RAPGEF2: variants seen among roughly 807,000 people sequenced by gnomAD.
The protein encoded by RAPGEF2 is Rap guanine nucleotide exchange factor 2.
In RAPGEF2, 54 loss-of-function variants were observed where a neutral mutation model predicts 186.7. The ratio of observed to expected loss-of-function variants is 0.29; its 90% CI spans 0.23 to 0.36. The LOEUF (loss-of-function observed/expected upper bound fraction) is 0.36, where lower values mean the gene tolerates loss of function less well. Ranked by LOEUF, RAPGEF2 falls within the 10% of genes least tolerant of loss-of-function variation. RAPGEF2 has a pLI of 1.00. For missense variants in RAPGEF2, 1,532 were observed against 2,045.0 expected (o/e 0.75, Z 4.84); for synonymous variants, 712 against 705.9 (o/e 1.01, Z -0.14).
At chr4:159,264,621 T>C (rs1757228252) in intron 7 of RAPGEF2, among the ~76,000 whole-genome samples, 1 of 152,162 alleles carries the variant, frequency 6.6e-6, no homozygotes, top group Admixed American at 6.5e-5. Context: ...ATTTTACACA[T>C]TATTAAGTGT....
chr4:159,240,807 G>GTT (rs373635263), intron 5 of RAPGEF2, among the ~76,000 whole-genome samples: 92 of 132,958 alleles, frequency 6.9e-4, no homozygotes, highest in South Asian at 1.7e-3. Flanking sequence ...TTCCATCAGG[G>GTT]TTTTTTTTTT....
At chr4:159,210,466 G>A in intron 3 of RAPGEF2, 34 bp from the exon 4 acceptor site, 2 of 1,413,034 alleles carry the variant, frequency 1.4e-6, no homozygotes, top group Non-Finnish European at 1.9e-6. Flanking sequence ...GTTGTTATAG[G>A]TAACAATCTG....
chr4:159,153,543 C>T lies in RAPGEF2; in HGVS notation c.70-33099C>T, dbSNP rs189322188. On this transcript the variant is annotated intron_variant, in intron 1 of 29. Transcript: ENST00000691494. ...GAATTTAGAATGACTTTTAGAGGTC[C>T]GTCTTGGTAGTTTTAATAATTTGGA... Among the ~76,000 whole-genome samples, 80 of 152,156 alleles carry T rather than the reference C, an allele frequency of 5.3e-4. 2 individuals are homozygous for T. The highest frequency in any genetic ancestry group is 4.0e-3 in the Admixed American group (61 of 15,270).
Position 159,358,378 on chromosome 4 carries a change from A to G in RAPGEF2, c.*239A>G, listed in dbSNP as rs1732347719. Reference sequence around the variant, plus strand: ...CTTTGTTGCTTGAAATGCACAGTGCAGCAATCTTCGAGCTCCCACTGTTGC... The same window carrying G: ...CTTTGTTGCTTGAAATGCACAGTGCGGCAATCTTCGAGCTCCCACTGTTGC... On this transcript the variant is annotated 3_prime_UTR_variant, in exon 30 of 30. Coordinates refer to ENST00000691494, the MANE Select transcript of RAPGEF2 (RefSeq NM_001394067.2). 4 of 445,224 alleles carry G rather than the reference A, an allele frequency of 9.0e-6. No homozygotes were observed. In the South Asian group the frequency reaches 2.4e-4, roughly 27 times the overall value. The allele number at this position is 445,224 out of a possible 1,614,324, so 27.6% of individuals were successfully genotyped here.
At chr4:159,241,465 C>T in intron 6 of RAPGEF2, 97 bp downstream of exon 6, 1 of 552,006 alleles carries the variant, frequency 1.8e-6, no homozygotes, top group Non-Finnish European at 2.7e-6. Flanking sequence ...CAAATCTTTT[C>T]AATTATATAT....
intron 1 of RAPGEF2, among the ~76,000 whole-genome samples, chr4:159,113,467 A>T (rs143033417): frequency 6.6e-6 from 1 of 152,326 alleles, no homozygotes; most frequent in African/African-American, 2.4e-5. Context: ...TAGGCTGGGC[A>T]TGGTGGCTCA....
chr4:159,327,476 A>G (rs1445696384), intron 11 of RAPGEF2: 5 of 152,268 alleles, frequency 3.3e-5, no homozygotes, highest in African/African-American at 1.2e-4. Context: ...AGCCTGGTGA[A>G]ATCCCGTCTG....
chr4:159,172,115 T>C (rs891877605), intron 1 of RAPGEF2, among the ~76,000 whole-genome samples: 2 of 152,218 alleles, frequency 1.3e-5, no homozygotes, highest in African/African-American at 2.4e-5. Flanking sequence ...CAACTCATTG[T>C]CCTTAATCTC....
intron 1 of RAPGEF2, among the ~76,000 whole-genome samples, chr4:159,174,396 A>C (rs545690064): frequency 7.9e-5 from 12 of 152,332 alleles, no homozygotes; most frequent in Admixed American, 1.3e-4. Flanking sequence ...AGTACTTGGT[A>C]CCTTCTTCAG....
chr4:159,260,409 C>T (rs1283829934), intron 7 of RAPGEF2, among the ~76,000 whole-genome samples: 1 of 151,872 alleles, frequency 6.6e-6, no homozygotes, highest in Non-Finnish European at 1.5e-5. Flanking sequence ...GTTTTGTTTC[C>T]GTTAATGTAG....
At chr4:159,246,454 AT>A (rs1754639935) in intron 7 of RAPGEF2, among the ~76,000 whole-genome samples, 1 of 152,132 alleles carries the variant, frequency 6.6e-6, no homozygotes, top group Non-Finnish European at 1.5e-5. Context: ...CTGTATAATA[AT>A]ATAAGGCAAA....
chr4:159,304,541 C>T, intron 8 of RAPGEF2, 68 bp downstream of exon 8: 1 of 1,399,290 alleles, frequency 7.1e-7, no homozygotes, highest in Non-Finnish European at 9.9e-7. Context: ...AGGTTCTCAG[C>T]TGATAGAATC....
chr4:159,157,242 T>G (rs542821005), intron 1 of RAPGEF2, among the ~76,000 whole-genome samples: 23 of 152,300 alleles, frequency 1.5e-4, no homozygotes, highest in African/African-American at 5.1e-4. Context: ...GCTTTGCCCC[T>G]TGAAAGGATC....
At chr4:159,137,754 G>A (rs1257829068) in intron 1 of RAPGEF2, among the ~76,000 whole-genome samples, 1 of 147,734 alleles carries the variant, frequency 6.8e-6, no homozygotes, top group East Asian at 2.0e-4. Context: ...TTACTGGGAA[G>A]GGAGGTTAAA....
chr4:159,353,430 G>A lies in RAPGEF2; in HGVS notation c.4092-57G>A. 1 of 1,350,094 alleles carries A rather than the reference G, an allele frequency of 7.4e-7. No individual in the cohort carries two copies. Among genetic ancestry groups the A allele is most frequent in the South Asian group, 1.9e-5 (1 of 52,504 alleles). 83.6% of individuals were successfully genotyped at this position (1,350,094 alleles called of 1,614,324 possible). On this transcript the variant is annotated intron_variant, in intron 27 of 29. Coordinates refer to ENST00000691494, the MANE Select transcript of RAPGEF2 (RefSeq NM_001394067.2). The surrounding 1 kb of genome is among the most constrained non-coding windows in gnomAD (Gnocchi z 4.3). ...AAAGGGTATTTTGGTTTTATCATAG[G>A]TGAATTAGTTATCAATCTTGTTTTT...
chr4:159,278,146 T>G (rs1287249659), intron 7 of RAPGEF2, among the ~76,000 whole-genome samples: 1 of 152,208 alleles, frequency 6.6e-6, no homozygotes, highest in Non-Finnish European at 1.5e-5. Flanking sequence ...GGGATCCAGT[T>G]TCAGTTTTCT....
intron 9 of RAPGEF2, among the ~76,000 whole-genome samples, chr4:159,315,949 A>C (rs988327354): frequency 4.6e-5 from 7 of 152,152 alleles, no homozygotes; most frequent in African/African-American, 1.7e-4. Flanking sequence ...GGCCCTCCAC[A>C]AGAGGTGGAG....
intron 6 of RAPGEF2, among the ~76,000 whole-genome samples, chr4:159,242,276 T>C (rs887230517): frequency 6.6e-6 from 1 of 151,616 alleles, no homozygotes; most frequent in Non-Finnish European, 1.5e-5. Flanking sequence ...GTATAATTAA[T>C]TTAAAATAAA....
At chr4:159,289,610 C>G (rs916728560) in intron 7 of RAPGEF2, among the ~76,000 whole-genome samples, 3 of 152,260 alleles carry the variant, frequency 2.0e-5, no homozygotes, top group East Asian at 3.9e-4. Flanking sequence ...TAAATACTTA[C>G]TATACCTTAG....
Sources: allele counts gnomAD v4.1 joint callset (sites outside exome capture counted in the v4.1 genomes callset), GRCh38; gene constraint gnomAD v4.1.1; non-coding constraint Gnocchi (gnomAD v3.1); transcripts MANE v1.5; gene names NCBI Gene and HGNC (gene_info 2026-07-23, HGNC 2026-07-21).